ERG: variants seen among roughly 807,000 people sequenced by gnomAD.
The protein encoded by ERG is transcriptional regulator ERG.
A neutral mutation model predicts 55.3 loss-of-function variants in ERG; 9 were observed. That is an observed-to-expected ratio of 0.16 (90% CI 0.10 to 0.28). The LOEUF (loss-of-function observed/expected upper bound fraction) is 0.28. Ranked by LOEUF, ERG falls within the 10% of genes least tolerant of loss-of-function variation. ERG has a pLI of 1.00. For missense variants in ERG, 434 were observed against 631.6 expected (o/e 0.69, Z 3.35); for synonymous variants, 223 against 237.3 (o/e 0.94, Z 0.55).
chr21:38,449,647 A>T (rs905792451), intron 1 of ERG, among the ~76,000 whole-genome samples: 1 of 152,350 alleles, frequency 6.6e-6, no homozygotes, highest in Non-Finnish European at 1.5e-5. Flanking sequence ...ATTTTCAGCA[A>T]AGTATTTCAG....
chr21:38,597,472 T>C lies in ERG; in HGVS notation c.-149-12527A>G, dbSNP rs866667957. Among the ~76,000 whole-genome samples the C allele has an allele frequency of 1.6e-3, 243 of 148,266 alleles. 1 individual carries two copies. Among genetic ancestry groups the C allele is most frequent in the African/African-American group, 4.7e-3 (187 of 39,992 alleles). The stretch of plus-strand genomic sequence containing the variant: ...ATATAGAGAGATATCTATATATATC[T>C]ACACACACACACACACACACACACA... On this transcript the variant is annotated intron_variant, in intron 1 of 10. Transcript: ENST00000398910.
chr21:38,531,807 C>T (rs933342798), intron 2 of ERG, among the ~76,000 whole-genome samples: 2 of 152,140 alleles, frequency 1.3e-5, no homozygotes, highest in African/African-American at 4.8e-5. Context: ...AGTGAGTGTG[C>T]ATGTTTCCAA....
Position 38,510,227 on chromosome 21 carries a change from G to A in ERG, c.-41+65435C>T, listed in dbSNP as rs145357543. Among the ~76,000 whole-genome samples the A allele has an allele frequency of 2.6e-5, 4 of 152,288 alleles. No homozygotes were observed. In the East Asian group the frequency reaches 5.8e-4, roughly 22 times the overall value. ...CACATATGGAATGCCTATAGACAAC[G>A]TGTTGCTCTTCCAATCCCAGGGAGC... On this transcript the variant is annotated intron_variant, in intron 2 of 8. Coordinates refer to the ERG transcript ENST00000398897.
In ERG at chr21:38,620,353, C is replaced by T. The variant is rs140622096; in HGVS notation, c.-149-35408G>A. On this transcript the variant is annotated intron_variant, in intron 1 of 10. Transcript: ENST00000398910. Reference sequence around the variant, plus strand: ...ACGTAAAAACAATGCCAATTCAACCCTCCTACTCATGTATGACGGCCAAAC... The same window carrying T: ...ACGTAAAAACAATGCCAATTCAACCTTCCTACTCATGTATGACGGCCAAAC... Among the ~76,000 whole-genome samples, 441 of 152,224 alleles carry T rather than the reference C, an allele frequency of 2.9e-3. 5 individuals are homozygous for T. Among genetic ancestry groups the T allele is most frequent in the African/African-American group, 0.01 (423 of 41,520 alleles).
intron 6 of ERG, chr21:38,400,038 C>T (rs910610933): frequency 6.0e-5 from 16 of 268,726 alleles, no homozygotes; most frequent in African/African-American, 2.2e-4. Context: ...TCTAACACCA[C>T]GCTTGGCACT....
At chr21:38,403,370 T>C in intron 4 of ERG, 136 bp downstream of exon 4, 1 of 789,048 alleles carries the variant, frequency 1.3e-6, no homozygotes, top group East Asian at 2.7e-5. Flanking sequence ...ACCAAGCATG[T>C]GGCTCCCTCG....
chr21:38,517,820 C>T (rs1005070380), intron 2 of ERG, among the ~76,000 whole-genome samples: 1 of 151,996 alleles, frequency 6.6e-6, no homozygotes, highest in African/African-American at 2.4e-5. Flanking sequence ...ATGGATGGAA[C>T]CGGAGGTCAT....
Position 38,590,568 on chromosome 21 carries a change from TCATCCATCCATC to T in ERG, c.-149-5635_-149-5624del, listed in dbSNP as rs141969690. 4.9e-3 allele frequency among the ~76,000 whole-genome samples: 736 copies of T among 150,442 alleles called. 4 individuals carry two copies. The highest frequency in any genetic ancestry group is 0.017 in the African/African-American group (687 of 41,014). ...CAAATCCATTCATTCATACAATTGT[TCATCCATCCATC>T]CATCCATCCATCCATCCATCCATGT... On this transcript the variant is annotated intron_variant, in intron 1 of 10. Transcript: ENST00000398910.
intron 5 of ERG, 130 bp downstream of exon 5, chr21:38,402,427 G>C (rs1186879970): frequency 1.5e-6 from 1 of 676,976 alleles, no homozygotes; most frequent in Non-Finnish European, 2.5e-6. Flanking sequence ...CTAAGTATCC[G>C]AAAGTATTCT....
chr21:38,529,899 G>T (rs1223240583), intron 2 of ERG, among the ~76,000 whole-genome samples: 2 of 152,018 alleles, frequency 1.3e-5, no homozygotes, highest in Non-Finnish European at 2.9e-5. Context: ...CCAGGAGGCA[G>T]AAGTTGCAGT....
At chr21:38,507,573 G>A (rs991042075) in intron 2 of ERG, among the ~76,000 whole-genome samples, 2 of 143,374 alleles carry the variant, frequency 1.4e-5, no homozygotes, top group Non-Finnish European at 3.1e-5. Flanking sequence ...GCCGGCCACA[G>A]AGCCCAGGAG....
At chr21:38,589,121 C>T (rs1473884731), upstream of ERG, among the ~76,000 whole-genome samples, 1 of 152,202 alleles carries the variant, frequency 6.6e-6, no homozygotes, top group Non-Finnish European at 1.5e-5. Context: ...TCTCCCTGGC[C>T]ACCACGTGTA....
At chr21:38,503,381 A>G (rs970842875), upstream of ERG, among the ~76,000 whole-genome samples, 2 of 130,086 alleles carry the variant, frequency 1.5e-5, no homozygotes, top group African/African-American at 5.9e-5. Flanking sequence ...TTTTTTTTTC[A>G]TTTTATTAAG....
chr21:38,506,777 G>A (rs374044062), intron 2 of ERG, among the ~76,000 whole-genome samples: 3 of 152,162 alleles, frequency 2.0e-5, no homozygotes, highest in African/African-American at 7.2e-5. Context: ...CTGTGTTCAC[G>A]GCTGTCGGGC....
chr21:38,532,003 A>G (rs148356361), intron 2 of ERG, among the ~76,000 whole-genome samples: 2 of 152,330 alleles, frequency 1.3e-5, no homozygotes, highest in African/African-American at 4.8e-5. Flanking sequence ...AAATATTATT[A>G]TATTTTGCCT....
chr21:38,653,510 C>T (rs906913991), intron 1 of ERG, among the ~76,000 whole-genome samples: 19 of 152,260 alleles, frequency 1.2e-4, no homozygotes, highest in South Asian at 8.3e-4. Context: ...CTAAGGACAC[C>T]GCATTTAGAG....
chr21:38,368,859 C>T, the ERG span, among the ~76,000 whole-genome samples: 6 of 152,278 alleles, frequency 3.9e-5, no homozygotes, highest in South Asian at 2.1e-4. Flanking sequence ...TAAGTGAGAA[C>T]ATACGGTATT....
intron 2 of ERG, among the ~76,000 whole-genome samples, chr21:38,430,572 T>G (rs1990156010): frequency 6.6e-6 from 1 of 152,062 alleles, no homozygotes; most frequent in African/African-American, 2.4e-5. Flanking sequence ...TCAACAAGAG[T>G]AAACAGGAGC....
intron 1 of ERG, among the ~76,000 whole-genome samples, chr21:38,610,523 G>A (rs1046796443): frequency 6.8e-5 from 8 of 116,816 alleles, no homozygotes; most frequent in South Asian, 2.7e-4. Flanking sequence ...GTGCGCGCAC[G>A]CGCGTGTGTG....
Sources: gnomAD v4.1 joint callset for allele counts (sites outside exome capture counted in the v4.1 genomes callset) on GRCh38, gnomAD v4.1.1 for gene constraint, MANE v1.5 for transcripts, NCBI Gene and HGNC (gene_info 2026-07-23, HGNC 2026-07-21) for gene names.